The following NOS1AP variants were observed in gnomAD, a reference collection of about 807,000 sequenced individuals.
NOS1AP encodes the protein nitric oxide synthase 1 adaptor protein.
NOS1AP carries 21 observed loss-of-function variants against 56.2 expected under a neutral mutation model. The observed-to-expected ratio is 0.37, with a 90% confidence interval of 0.26 to 0.54. The LOEUF is 0.54. Ranked by LOEUF, NOS1AP falls within the 20% of genes least tolerant of loss-of-function variation. NOS1AP has a pLI of 0.84. For missense variants in NOS1AP, 522 were observed against 657.8 expected (o/e 0.79, Z 2.26); for synonymous variants, 270 against 274.6 (o/e 0.98, Z 0.17).
rs1277543872 is a variant in NOS1AP at position 162,367,310 on chromosome 1, T to A, written c.1364T>A (p.Ile455Asn). 6.2e-7 allele frequency: 1 copy of A among 1,613,274 alleles called. No individual in the cohort carries two copies. Among genetic ancestry groups the A allele is most frequent in the Non-Finnish European group, 8.5e-7 (1 of 1,179,940 alleles). Residue 455 changes from isoleucine to asparagine, a missense_variant, in exon 10 of 10, where the codon ATC (isoleucine) becomes AAC (asparagine). Transcript: ENST00000361897. The surrounding 1 kb of genome is among the most constrained non-coding windows in gnomAD (Gnocchi z 6.5). ...GEALLGGLEL[I>N]KFRESGIASE... ...GCGCTCCTGGGCGGTCTGGAGCTCATCAAGTTCCGAGAGTCAGGCATCGCC... is the reference window on the plus strand; with the variant it reads ...GCGCTCCTGGGCGGTCTGGAGCTCAACAAGTTCCGAGAGTCAGGCATCGCC...
At chr1:162,096,373 C>A (rs902689509) in intron 1 of NOS1AP, among the ~76,000 whole-genome samples, 3 of 152,068 alleles carry the variant, frequency 2.0e-5, no homozygotes, top group African/African-American at 7.2e-5. Context: ...GTAACTTTAC[C>A]AGTTGAACCA....
chr1:162,292,163 T>G (rs1023684826), intron 3 of NOS1AP, among the ~76,000 whole-genome samples: 7 of 152,212 alleles, frequency 4.6e-5, no homozygotes, highest in African/African-American at 1.2e-4. Flanking sequence ...ATATGAACCC[T>G]TCCCTGCAAA....
chr1:162,074,114 T>C (rs549532723), intron 1 of NOS1AP, among the ~76,000 whole-genome samples: 9 of 152,364 alleles, frequency 5.9e-5, no homozygotes, highest in African/African-American at 2.2e-4. Context: ...ACTTTTCCTC[T>C]TATAGAGACA....
At chr1:162,213,065 G>C (rs1652427142) in intron 2 of NOS1AP, among the ~76,000 whole-genome samples, 1 of 152,092 alleles carries the variant, frequency 6.6e-6, no homozygotes, top group African/African-American at 2.4e-5. Context: ...GCAGGTGGAG[G>C]GTGTCTCTAG....
chr1:162,118,379 G>A (rs932579639), intron 1 of NOS1AP, among the ~76,000 whole-genome samples: 8 of 152,170 alleles, frequency 5.3e-5, no homozygotes, highest in African/African-American at 1.7e-4. Flanking sequence ...TCTTGCTTTA[G>A]TTTGCTTAGG....
intron 2 of NOS1AP, among the ~76,000 whole-genome samples, chr1:162,225,420 C>T (rs1244364447): frequency 1.3e-5 from 2 of 152,238 alleles, no homozygotes; most frequent in African/African-American, 4.8e-5. Context: ...ACTCACCTTC[C>T]TGAGCCTCAG....
chr1:162,114,569 C>T (rs777088744), intron 1 of NOS1AP, among the ~76,000 whole-genome samples: 7 of 152,136 alleles, frequency 4.6e-5, no homozygotes, highest in Non-Finnish European at 5.9e-5. Context: ...TGTAACCTAA[C>T]CAAGTTGACA....
intron 2 of NOS1AP, among the ~76,000 whole-genome samples, chr1:162,192,986 A>G (rs1651691613): frequency 6.6e-6 from 1 of 152,108 alleles, no homozygotes; most frequent in Non-Finnish European, 1.5e-5. Context: ...AAAAGTCAAG[A>G]GTGTGCCCAT....
chr1:162,354,037 C>T (rs1657608255), intron 6 of NOS1AP, among the ~76,000 whole-genome samples: 2 of 152,222 alleles, frequency 1.3e-5, no homozygotes, highest in South Asian at 4.1e-4. Flanking sequence ...AGGAAGAAAA[C>T]CAAGCCCACT....
In NOS1AP at chr1:162,212,198, C is replaced by T. The variant is rs568512157; in HGVS notation, c.177+57722C>T. Among the ~76,000 whole-genome samples, 7 of 152,256 alleles carry T rather than the reference C, an allele frequency of 4.6e-5. No homozygotes were observed. In the East Asian group the frequency reaches 1.4e-3, roughly 29 times the overall value. ...AGGTGAGACAGCTCATCGTGTGGCC[C>T]CCTCTGCAAGGCTGGGAAGGTGTTG... is the stretch of plus-strand genomic sequence containing the variant. On this transcript the variant is annotated intron_variant, in intron 2 of 9. Transcript: ENST00000361897.
intron 1 of NOS1AP, among the ~76,000 whole-genome samples, chr1:162,115,165 T>G (rs991423840): frequency 2.0e-5 from 3 of 152,226 alleles, no homozygotes; most frequent in Non-Finnish European, 4.4e-5. Flanking sequence ...TTTGGAGCTT[T>G]ACAAAACTAG....
At chr1:162,180,912 A>G (rs919914141) in intron 2 of NOS1AP, among the ~76,000 whole-genome samples, 1 of 152,208 alleles carries the variant, frequency 6.6e-6, no homozygotes, top group Admixed American at 6.5e-5. Flanking sequence ...GGCCATTATT[A>G]TGCAGCAAGT....
intron 4 of NOS1AP, among the ~76,000 whole-genome samples, chr1:162,307,127 G>T (rs751423027): frequency 5.3e-5 from 8 of 152,042 alleles, no homozygotes; most frequent in Non-Finnish European, 1.2e-4. Context: ...TCAAGGGCAT[G>T]CTTCCTAGAA....
chr1:162,234,179 G>T (rs1268667956), intron 2 of NOS1AP, among the ~76,000 whole-genome samples: 1 of 152,176 alleles, frequency 6.6e-6, no homozygotes, highest in Non-Finnish European at 1.5e-5. Flanking sequence ...ATGGTATCTG[G>T]ACCTTGAGAA....
At chr1:162,328,945 GTTTT>G in intron 4 of NOS1AP, among the ~76,000 whole-genome samples, 1 of 152,220 alleles carries the variant, frequency 6.6e-6, no homozygotes, top group South Asian at 2.1e-4. Flanking sequence ...TGTTGTTGTT[GTTTT>G]TCTATGATCT....
At chr1:162,349,491 C>A (rs755257728) in intron 6 of NOS1AP, among the ~76,000 whole-genome samples, 4 of 152,136 alleles carry the variant, frequency 2.6e-5, no homozygotes, top group Admixed American at 2.0e-4. Flanking sequence ...GCACTGGAAC[C>A]ACTGGGACTT....
intron 2 of NOS1AP, among the ~76,000 whole-genome samples, chr1:162,199,634 G>GTGTC (rs1651924317): frequency 7.0e-6 from 1 of 142,460 alleles, no homozygotes; most frequent in Admixed American, 7.1e-5. Context: ...GTGTGTGTGT[G>GTGTC]TGTGTGTCTG....
chr1:162,119,113 A>T (rs1648093804), intron 1 of NOS1AP, among the ~76,000 whole-genome samples: 1 of 152,164 alleles, frequency 6.6e-6, no homozygotes, highest in African/African-American at 2.4e-5. Context: ...CCCTCATAGA[A>T]TGTTTTTCTT....
chr1:162,145,489 G>A (rs1649423551), intron 1 of NOS1AP, among the ~76,000 whole-genome samples: 1 of 152,132 alleles, frequency 6.6e-6, no homozygotes, highest in South Asian at 2.1e-4. Flanking sequence ...GGCTGAGTGT[G>A]TGCCCCGGAA....
Sources: gnomAD v4.1 joint callset for allele counts (sites outside exome capture counted in the v4.1 genomes callset) on GRCh38, gnomAD v4.1.1 for gene constraint, Gnocchi (gnomAD v3.1) non-coding constraint, MANE v1.5 for transcripts, NCBI Gene and HGNC (gene_info 2026-07-23, HGNC 2026-07-21) for gene names.